THSD7B: variants seen among roughly 807,000 people sequenced by gnomAD.
The protein encoded by THSD7B is thrombospondin type 1 domain containing 7B.
Under a neutral mutation model 213.6 loss-of-function variants are expected in THSD7B, and 138 were observed. That is an observed-to-expected ratio of 0.65 (90% confidence interval 0.56 to 0.74). The LOEUF (loss-of-function observed/expected upper bound fraction) is 0.74, where lower values mean the gene tolerates loss of function less well. Ranked by LOEUF, THSD7B falls within the 30% of genes least tolerant of loss-of-function variation. The pLI, the probability that THSD7B is intolerant of heterozygous loss-of-function variation, is 0.00. For missense variants in THSD7B, 1,931 were observed against 1,991.5 expected (o/e 0.97, Z 0.58); for synonymous variants, 742 against 687.0 (o/e 1.08, Z -1.25).
chr2:136,936,495 A>C (rs57983126), intron 2 of THSD7B, among the ~76,000 whole-genome samples: 6,265 of 152,312 alleles, frequency 0.041, 269 homozygotes, highest in African/African-American at 0.1. Context: ...CAGCCATAAA[A>C]AGGAATGAAT....
intron 1 of THSD7B, among the ~76,000 whole-genome samples, chr2:136,796,578 A>G (rs1425793060): frequency 6.6e-6 from 1 of 151,974 alleles, no homozygotes; most frequent in Non-Finnish European, 1.5e-5. Flanking sequence ...AGAGTCATTC[A>G]GTTGTGATAA....
chr2:136,967,038 T>C (rs1318393000), intron 2 of THSD7B, among the ~76,000 whole-genome samples: 2 of 152,190 alleles, frequency 1.3e-5, no homozygotes, highest in Non-Finnish European at 2.9e-5. Context: ...TTCAGCTAAA[T>C]TGTAAGCTTC....
intron 2 of THSD7B, chr2:136,990,861 T>A: frequency 7.5e-7 from 1 of 1,328,224 alleles, no homozygotes; most frequent in African/African-American, 1.5e-5. Flanking sequence ...TAAAATTCCC[T>A]TTAAGAAGTA....
intron 12 of THSD7B, among the ~76,000 whole-genome samples, chr2:137,356,346 C>A (rs907582077): frequency 6.6e-6 from 1 of 152,148 alleles, no homozygotes; most frequent in Non-Finnish European, 1.5e-5. Flanking sequence ...AATTAGATCT[C>A]TTTTCCTCTC....
Position 137,391,387 on chromosome 2 carries a change from TA to T in THSD7B, c.2501-14222del, listed in dbSNP as rs879858663. Among the ~76,000 whole-genome samples the T allele has an allele frequency of 1.4e-3, 217 of 151,796 alleles. 1 individual carries two copies. The highest frequency in any genetic ancestry group is 1.6e-3 in the Non-Finnish European group (107 of 67,866). ...CAGCTAGTGGTTTATCAATTTTTTT[TA>T]AAATCTTTTTAAAGAACAGGCCAGG... On this transcript the variant is annotated intron_variant, in intron 12 of 27. Coordinates refer to ENST00000409968, the MANE Select transcript of THSD7B (RefSeq NM_001316349.2).
At chr2:137,451,313 G>T (rs185228980) in intron 15 of THSD7B, among the ~76,000 whole-genome samples, 3 of 151,410 alleles carry the variant, frequency 2.0e-5, no homozygotes, top group African/African-American at 7.3e-5. Flanking sequence ...TATTTTAAAA[G>T]TTGGATATAT....
intron 2 of THSD7B, among the ~76,000 whole-genome samples, chr2:136,941,417 C>G (rs1192188317): frequency 6.6e-6 from 1 of 152,084 alleles, no homozygotes; most frequent in Non-Finnish European, 1.5e-5. Context: ...TCTAGATCCT[C>G]GAGGAATTGC....
intron 7 of THSD7B, among the ~76,000 whole-genome samples, chr2:137,176,502 T>A (rs1418896798): frequency 6.6e-6 from 1 of 152,196 alleles, no homozygotes; most frequent in Non-Finnish European, 1.5e-5. Flanking sequence ...AGAATAAACA[T>A]GGACATGCAT....
At chr2:137,299,550 A>G (rs1033802104) in intron 12 of THSD7B, among the ~76,000 whole-genome samples, 5 of 152,118 alleles carry the variant, frequency 3.3e-5, no homozygotes, top group Non-Finnish European at 5.9e-5. Context: ...TTTATTTCCC[A>G]GAATTCTGAG....
At chr2:137,312,813 A>G (rs1573953803) in intron 12 of THSD7B, among the ~76,000 whole-genome samples, 1 of 151,740 alleles carries the variant, frequency 6.6e-6, no homozygotes, top group Non-Finnish European at 1.5e-5. Flanking sequence ...GTAGTTGAGC[A>G]GTTTTGAGTG....
At chr2:137,386,017 A>G (rs963622332) in intron 12 of THSD7B, among the ~76,000 whole-genome samples, 1 of 152,202 alleles carries the variant, frequency 6.6e-6, no homozygotes, top group East Asian at 1.9e-4. Context: ...GTAATTATAC[A>G]TATGAGAAGT....
intron 15 of THSD7B, among the ~76,000 whole-genome samples, chr2:137,468,970 T>G (rs1688043818): frequency 6.6e-6 from 1 of 152,214 alleles, no homozygotes; most frequent in African/African-American, 2.4e-5. Flanking sequence ...TCTGTGTATT[T>G]GTCAACTTTT....
chr2:136,831,615 G>T (rs997692937), intron 1 of THSD7B, among the ~76,000 whole-genome samples: 1 of 152,208 alleles, frequency 6.6e-6, no homozygotes, highest in Non-Finnish European at 1.5e-5. Context: ...ACAATGTTTT[G>T]CCTAGTGACA....
chr2:136,895,540 T>TTTTA (rs1553456267), intron 2 of THSD7B, among the ~76,000 whole-genome samples: 14 of 144,386 alleles, frequency 9.7e-5, no homozygotes, highest in East Asian at 6.9e-4. Flanking sequence ...TTTTTTTTTT[T>TTTTA]ACAGAATTCC....
chr2:137,655,308 A>G (rs2104816102), intron 21 of THSD7B, among the ~76,000 whole-genome samples, 193 bp from the exon 22 acceptor site: 1 of 152,338 alleles, frequency 6.6e-6, no homozygotes, highest in East Asian at 1.9e-4. Flanking sequence ...TTGCATTCCC[A>G]CTGAAGCTTC....
At chr2:137,059,082 G>C (rs891622068) in intron 3 of THSD7B, among the ~76,000 whole-genome samples, 1 of 152,078 alleles carries the variant, frequency 6.6e-6, no homozygotes, top group Non-Finnish European at 1.5e-5. Context: ...CCAAATTCAA[G>C]GTGTGTCTTG....
intron 1 of THSD7B, among the ~76,000 whole-genome samples, chr2:136,851,688 C>T (rs937089660): frequency 1.3e-5 from 2 of 152,036 alleles, no homozygotes; most frequent in African/African-American, 4.8e-5. Context: ...CTCATGATGG[C>T]TTTGGAGATA....
intron 12 of THSD7B, among the ~76,000 whole-genome samples, chr2:137,281,297 A>G (rs998032125): frequency 2.0e-5 from 3 of 152,034 alleles, no homozygotes; most frequent in African/African-American, 7.2e-5. Flanking sequence ...TTTTCTGGGA[A>G]AAAAAATTGA....
chr2:137,173,433 A>G (rs905032111), intron 7 of THSD7B, among the ~76,000 whole-genome samples: 2 of 152,140 alleles, frequency 1.3e-5, no homozygotes, highest in African/African-American at 4.8e-5. Context: ...CTTGGCTAGG[A>G]ACTTCTTTCA....
Sources: allele counts gnomAD v4.1 joint callset (sites outside exome capture counted in the v4.1 genomes callset), GRCh38; gene constraint gnomAD v4.1.1; transcripts MANE v1.5; gene names NCBI Gene and HGNC (gene_info 2026-07-23, HGNC 2026-07-21).